Variants in RMDN2 observed in about 807,000 individuals in gnomAD.
RMDN2 encodes regulator of microtubule dynamics 2.
Under a neutral mutation model 52.8 loss-of-function variants are expected in RMDN2, and 61 were observed. That is an observed-to-expected ratio of 1.16 (90% CI 0.94 to 1.43). The LOEUF (loss-of-function observed/expected upper bound fraction) is 1.43. Among genes scored for constraint, RMDN2 ranks in the 40% most tolerant of loss-of-function variants. The pLI, the probability that RMDN2 is intolerant of heterozygous loss-of-function variation, is 0.00. For synonymous variants in RMDN2, 180 were observed against 153.1 expected (o/e 1.18, Z -1.30); for missense variants, 592 against 475.3 (o/e 1.25, Z -2.28).
chr2:38,063,954 A>G (rs573992337), intron 10 of RMDN2, among the ~76,000 whole-genome samples: 1 of 144,738 alleles, frequency 6.9e-6, no homozygotes, highest in South Asian at 2.1e-4. Flanking sequence ...TCCATCACAG[A>G]AAACAATAGT....
At chr2:37,929,084 C>T in intron 1 of RMDN2, 178 bp from the exon 2 acceptor site, 1 of 493,492 alleles carries the variant, frequency 2.0e-6, no homozygotes, top group Non-Finnish European at 3.6e-6. Flanking sequence ...TCATTGTAAT[C>T]TAAGACTCTT....
chr2:37,966,395 C>T (rs1238535299), intron 2 of RMDN2, among the ~76,000 whole-genome samples: 1 of 150,182 alleles, frequency 6.7e-6, no homozygotes, highest in Non-Finnish European at 1.5e-5. Context: ...CCAGCCTGGG[C>T]AACAGAGTGA....
Position 37,929,379 on chromosome 2 carries a change from G to T in RMDN2, c.102G>T (p.Gly34=), listed in dbSNP as rs1425654526. 1 of 1,551,578 alleles carries T rather than the reference G, an allele frequency of 6.4e-7. No homozygotes were observed. The highest frequency in any genetic ancestry group is 2.0e-5 in the Admixed American group (1 of 51,008). ...GGTACCACAAGGTCCGTAAACCAGG[G>T]ATAGCAATGAAGTTACCTGAATTTC... ...LLWYHKVRKP[G]IAMKLPEFLS... The change falls in exon 2 of 11, where the codon GGG becomes GGT. Residue 34 remains glycine, a synonymous_variant. Coordinates refer to ENST00000354545, the MANE Select transcript of RMDN2 (RefSeq NM_001170791.3).
intron 10 of RMDN2, among the ~76,000 whole-genome samples, chr2:38,041,728 G>T (rs925567772): frequency 6.6e-6 from 1 of 151,976 alleles, no homozygotes; most frequent in African/African-American, 2.4e-5. Flanking sequence ...CCTTTTTAGT[G>T]TATTAATGTG....
At chr2:38,025,282 A>G (rs950033543) in intron 10 of RMDN2, among the ~76,000 whole-genome samples, 7 of 151,914 alleles carry the variant, frequency 4.6e-5, no homozygotes, top group African/African-American at 1.7e-4. Context: ...TATATTTTCA[A>G]TTTCTGATTT....
chr2:37,948,236 C>T (rs1383502608), intron 2 of RMDN2, among the ~76,000 whole-genome samples: 1 of 152,202 alleles, frequency 6.6e-6, no homozygotes, highest in African/African-American at 2.4e-5. Flanking sequence ...TTAAGAAGCT[C>T]TGTGGGTGAC....
intron 2 of RMDN2, among the ~76,000 whole-genome samples, chr2:37,939,600 G>A (rs1188342210): frequency 6.6e-6 from 1 of 152,168 alleles, no homozygotes; most frequent in Non-Finnish European, 1.5e-5. Context: ...ATATATTTAG[G>A]ATAGTGAGCT....
intron 1 of RMDN2, among the ~76,000 whole-genome samples, chr2:37,928,037 C>A (rs1293217021): frequency 6.6e-6 from 1 of 152,154 alleles, no homozygotes; most frequent in Non-Finnish European, 1.5e-5. Flanking sequence ...AAGGCTTTCT[C>A]TGGAATCTTT....
chr2:38,019,340 C>A (rs1679165544), downstream of RMDN2, among the ~76,000 whole-genome samples: 4 of 152,166 alleles, frequency 2.6e-5, no homozygotes, highest in South Asian at 8.3e-4. Context: ...TGGAACCTGA[C>A]ATAAGATCTA....
chr2:38,003,593 T>TAGGCAGAC (rs1553375348), intron 8 of RMDN2, among the ~76,000 whole-genome samples: 1 of 151,394 alleles, frequency 6.6e-6, no homozygotes, highest in South Asian at 2.1e-4. Flanking sequence ...GATAGATAGA[T>TAGGCAGAC]AGATAGATAG....
chr2:37,971,698 A>G (rs1671833644), intron 2 of RMDN2, among the ~76,000 whole-genome samples: 2 of 152,208 alleles, frequency 1.3e-5, no homozygotes, highest in Admixed American at 1.3e-4. Flanking sequence ...GCTCTGTTCT[A>G]TCATTCACTC....
At chr2:37,931,802 C>A (rs1445502264) in intron 2 of RMDN2, among the ~76,000 whole-genome samples, 1 of 152,202 alleles carries the variant, frequency 6.6e-6, no homozygotes, top group Non-Finnish European at 1.5e-5. Context: ...AAAAACTAGA[C>A]ACGTCAAAAC....
intron 2 of RMDN2, among the ~76,000 whole-genome samples, chr2:37,966,186 C>G (rs1671020856): frequency 6.6e-6 from 1 of 152,058 alleles, no homozygotes; most frequent in African/African-American, 2.4e-5. Context: ...CTTTGGGAGG[C>G]CGAGGCAGGT....
At chr2:37,955,405 G>T (rs1669319591) in intron 2 of RMDN2, among the ~76,000 whole-genome samples, 1 of 152,066 alleles carries the variant, frequency 6.6e-6, no homozygotes, top group Non-Finnish European at 1.5e-5. Flanking sequence ...TCATAAAAAG[G>T]TGATAAATTT....
chr2:37,975,101 A>G lies in RMDN2; in HGVS notation c.628-111A>G, dbSNP rs558876455. 2.2e-5 allele frequency: 15 copies of G among 688,968 alleles called. No individual in the cohort carries two copies. The East Asian group carries it at 3.0e-4, about 14-fold the overall frequency. The allele number at this position is 688,968 out of a possible 1,614,324, so 42.7% of individuals were successfully genotyped here. ...TGCATATACATAGATTCAATAATCT[A>G]TAAATACCAGTTTACCTGCCTAAGT... On this transcript the variant is annotated intron_variant, in intron 3 of 10. Coordinates refer to ENST00000354545, the MANE Select transcript of RMDN2 (RefSeq NM_001170791.3).
intron 10 of RMDN2, among the ~76,000 whole-genome samples, chr2:38,045,828 G>A (rs1681239571): frequency 6.6e-6 from 1 of 152,206 alleles, no homozygotes; most frequent in African/African-American, 2.4e-5. Flanking sequence ...TGATGCTGCA[G>A]ACTTGATTTG....
chr2:38,064,189 G>C (rs531379642), intron 10 of RMDN2, among the ~76,000 whole-genome samples: 1 of 152,242 alleles, frequency 6.6e-6, no homozygotes, highest in African/African-American at 2.4e-5. Flanking sequence ...AGCTCAATTT[G>C]TAAGCAAAGA....
intron 5 of RMDN2, 144 bp downstream of exon 5, chr2:37,981,487 T>C (rs879783185): frequency 2.2e-5 from 13 of 585,234 alleles, no homozygotes; most frequent in African/African-American, 9.4e-5. Context: ...ACAGTAACTG[T>C]TCTTATTCTG....
rs1309228288 is a variant in RMDN2, at chr2:38,025,604, G to GT, written c.1713+21395dup. 3.3e-5 allele frequency among the ~76,000 whole-genome samples: 5 copies of GT among 151,984 alleles called. No individual in the cohort carries two copies. In the South Asian group the frequency reaches 1.0e-3, roughly 32 times the overall value. On this transcript the variant is annotated intron_variant, in intron 10 of 10. Coordinates refer to the RMDN2 transcript ENST00000234195. ...CCATTGATCACAATGTTACCTGTAG[G>GT]TTTTTTTGGAGATACGCTTTTTCTA... is the stretch of plus-strand genomic sequence containing the variant.
Sources: allele counts gnomAD v4.1 joint callset (sites outside exome capture counted in the v4.1 genomes callset), GRCh38; gene constraint gnomAD v4.1.1; transcripts MANE v1.5; gene names NCBI Gene and HGNC (gene_info 2026-07-23, HGNC 2026-07-21).